Variants in SLC35A1 observed in about 807,000 individuals in gnomAD.
SLC35A1 encodes solute carrier family 35 member A1.
Under a neutral mutation model 40.3 loss-of-function variants are expected in SLC35A1, and 21 were observed. That is an observed-to-expected ratio of 0.52 (90% CI 0.37 to 0.75). SLC35A1 has a LOEUF of 0.75. Ranked by LOEUF, SLC35A1 falls within the 30% of genes least tolerant of loss-of-function variation. The probability of loss-of-function intolerance (pLI) is 0.00; values close to 1 mark genes in which losing one functional copy is unlikely to be tolerated. For missense variants in SLC35A1, 297 were observed against 382.1 expected, an observed-to-expected ratio of 0.78 and a Z score of 1.86; for synonymous variants, 146 against 147.3, an observed-to-expected ratio of 0.99 and a Z score of 0.06.
At chr6:87,499,659 G>C (rs1213402861) in intron 2 of SLC35A1, among the ~76,000 whole-genome samples, 2 of 152,118 alleles carry the variant, frequency 1.3e-5, no homozygotes, top group African/African-American at 2.4e-5. Context: ...GAATTATACA[G>C]ATATAAAGTA....
At chr6:87,486,517 A>C (rs560542108) in intron 2 of SLC35A1, among the ~76,000 whole-genome samples, 9 of 152,300 alleles carry the variant, frequency 5.9e-5, no homozygotes, top group East Asian at 3.9e-4. Flanking sequence ...GCAAATTAAA[A>C]AGGTGTAGTT....
chr6:87,508,255 TGTC>T (rs1244628889), intron 5 of SLC35A1, among the ~76,000 whole-genome samples, 162 bp from the exon 6 acceptor site: 1 of 152,140 alleles, frequency 6.6e-6, no homozygotes, highest in Admixed American at 6.6e-5. Context: ...ATGTACAGTA[TGTC>T]ATGTGTCACA....
intron 7 of SLC35A1, among the ~76,000 whole-genome samples, chr6:87,510,743 G>C (rs143166814): frequency 1.3e-3 from 193 of 151,996 alleles, no homozygotes; most frequent in African/African-American, 3.9e-3. Flanking sequence ...GCACGGTGGC[G>C]CATGCTCCTC....
chr6:87,506,524 T>G, intron 5 of SLC35A1, 76 bp downstream of exon 5: 1 of 1,148,380 alleles, frequency 8.7e-7, no homozygotes, highest in Non-Finnish European at 1.3e-6. Context: ...CAGTCTAGTT[T>G]ATCTTGCTTT....
At chr6:87,482,677 C>T (rs988393952) in intron 2 of SLC35A1, among the ~76,000 whole-genome samples, 2 of 152,122 alleles carry the variant, frequency 1.3e-5, no homozygotes, top group Non-Finnish European at 2.9e-5. Flanking sequence ...TAGGTCTGGT[C>T]GGACCTTTAT....
chr6:87,504,689 T>A (rs573179482), intron 4 of SLC35A1, among the ~76,000 whole-genome samples: 1 of 152,312 alleles, frequency 6.6e-6, no homozygotes, highest in Non-Finnish European at 1.5e-5. Flanking sequence ...ATCTACTTCA[T>A]CACCCAGCAG....
intron 2 of SLC35A1, among the ~76,000 whole-genome samples, chr6:87,487,186 AAAG>A (rs1430529426): frequency 2.0e-5 from 3 of 152,206 alleles, no homozygotes; most frequent in Admixed American, 2.0e-4. Context: ...AAAAGAAAAA[AAAG>A]AAAAAGAAAG....
At chr6:87,500,333 AAG>A (rs1184661727) in intron 2 of SLC35A1, among the ~76,000 whole-genome samples, 173 bp from the exon 3 acceptor site, 1 of 152,316 alleles carries the variant, frequency 6.6e-6, no homozygotes, top group African/African-American at 2.4e-5. Context: ...TAATTTTTTA[AAG>A]AGGATACATT....
intron 2 of SLC35A1, among the ~76,000 whole-genome samples, chr6:87,495,120 GCACCA>G (rs990577433): frequency 7.9e-5 from 12 of 152,028 alleles, no homozygotes; most frequent in Admixed American, 1.3e-4. Flanking sequence ...TAGGTGCGTA[GCACCA>G]CACCCAGCTA....
At chr6:87,478,912 C>CA in intron 2 of SLC35A1, among the ~76,000 whole-genome samples, 1 of 152,268 alleles carries the variant, frequency 6.6e-6, no homozygotes, top group Admixed American at 6.5e-5. Context: ...TCCTTATGCA[C>CA]GTGGCCTCTA....
intron 2 of SLC35A1, among the ~76,000 whole-genome samples, chr6:87,496,748 C>G (rs1373051420): frequency 2.1e-5 from 3 of 141,642 alleles, no homozygotes; most frequent in East Asian, 2.1e-4. Context: ...CCACTGCACT[C>G]TAGCCTGGGT....
chr6:87,489,346 C>T (rs946460452), intron 2 of SLC35A1, among the ~76,000 whole-genome samples: 2 of 151,824 alleles, frequency 1.3e-5, no homozygotes, highest in African/African-American at 4.8e-5. Flanking sequence ...TCTCAAGAGA[C>T]AGGATTAGTT....
chr6:87,506,253 A>G, intron 4 of SLC35A1, 129 bp from the exon 5 acceptor site: 1 of 753,998 alleles, frequency 1.3e-6, no homozygotes, highest in East Asian at 2.6e-5. Context: ...TATTCTGTAG[A>G]ATAGCTGTGT....
At chr6:87,505,370 A>G (rs1197287907) in intron 4 of SLC35A1, among the ~76,000 whole-genome samples, 1 of 152,166 alleles carries the variant, frequency 6.6e-6, no homozygotes, top group Admixed American at 6.5e-5. Flanking sequence ...AAAGAAAGAG[A>G]AAATAAAGTG....
chr6:87,496,398 G>T (rs1769726386), intron 2 of SLC35A1, among the ~76,000 whole-genome samples: 1 of 152,164 alleles, frequency 6.6e-6, no homozygotes, highest in Non-Finnish European at 1.5e-5. Flanking sequence ...ACGCTCTTTT[G>T]TCCTAGCTAG....
At chr6:87,480,701 G>A (rs1769219482) in intron 2 of SLC35A1, among the ~76,000 whole-genome samples, 1 of 152,208 alleles carries the variant, frequency 6.6e-6, no homozygotes, top group African/African-American at 2.4e-5. Context: ...TCTAAAGTGG[G>A]GTTAGAGTTG....
chr6:87,486,287 TA>T (rs1372469991), intron 2 of SLC35A1, among the ~76,000 whole-genome samples: 1 of 152,212 alleles, frequency 6.6e-6, no homozygotes, highest in African/African-American at 2.4e-5. Flanking sequence ...TGGTTATAAT[TA>T]AGGTTCACTT....
rs149987640 is a variant in SLC35A1 at position 87,495,314 on chromosome 6, A to G, written c.195-5194A>G. On this transcript the variant is annotated intron_variant, in intron 2 of 7. Transcript: ENST00000369552. The stretch of plus-strand genomic sequence containing the variant: ...ATAGTTTATAAAGACTATCCCTAGC[A>G]GGATGTGTAAATGTTAATGTACATA... Among the ~76,000 whole-genome samples the G allele has an allele frequency of 3.9e-5, 6 of 152,346 alleles. No individual in the cohort carries two copies. In the East Asian group the frequency reaches 5.8e-4, roughly 15 times the overall value.
At chr6:87,485,347 CTT>C (rs1389915831) in intron 2 of SLC35A1, among the ~76,000 whole-genome samples, 3 of 152,136 alleles carry the variant, frequency 2.0e-5, no homozygotes, top group Non-Finnish European at 2.9e-5. Flanking sequence ...TCAAGGAAGA[CTT>C]TATCATCTCA....
Sources: allele counts gnomAD v4.1 joint callset (sites outside exome capture counted in the v4.1 genomes callset), GRCh38; gene constraint gnomAD v4.1.1; transcripts MANE v1.5; gene names NCBI Gene and HGNC (gene_info 2026-07-23, HGNC 2026-07-21).